The following JAKMIP2 variants were observed in gnomAD, a reference collection of about 807,000 sequenced individuals.
The protein encoded by JAKMIP2 is janus kinase and microtubule-interacting protein 2.
In JAKMIP2, 25 loss-of-function variants were observed where a neutral mutation model predicts 115.0. The ratio of observed to expected loss-of-function variants is 0.22; its 90% CI spans 0.16 to 0.30. The LOEUF (loss-of-function observed/expected upper bound fraction) is 0.30, where lower values mean the gene tolerates loss of function less well. Among genes scored for constraint, JAKMIP2 ranks in the 10% least tolerant of loss-of-function variants. The pLI, the probability that JAKMIP2 is intolerant of heterozygous loss-of-function variation, is 1.00. For missense variants in JAKMIP2, 642 were observed against 957.6 expected (o/e 0.67, Z 4.35); for synonymous variants, 334 against 343.6 (o/e 0.97, Z 0.31).
chr5:147,624,964 C>CTATTTATTTATTTATTTATT (rs58840721), intron 16 of JAKMIP2, among the ~76,000 whole-genome samples: 17 of 150,964 alleles, frequency 1.1e-4, no homozygotes, highest in African/African-American at 4.2e-4. Context: ...CTACAAGGTA[C>CTATTTATTTATTTATTTATT]TATTTATTTA....
At chr5:147,660,530 C>T (rs769022298) in intron 3 of JAKMIP2, 2 of 431,398 alleles carry the variant, frequency 4.6e-6, no homozygotes, top group South Asian at 3.3e-5. Context: ...CTTCTCCTAC[C>T]CTCTATAAAA....
chr5:147,686,971 A>G (rs747638731), intron 1 of JAKMIP2, among the ~76,000 whole-genome samples: 1 of 152,138 alleles, frequency 6.6e-6, no homozygotes, highest in African/African-American at 2.4e-5. Context: ...TTTTTCTTAT[A>G]TATCTTAAAA....
rs117842659 is a variant in JAKMIP2 at position 147,624,122 on chromosome 5, C to T, written c.1996-433G>A. 6.3e-3 allele frequency among the ~76,000 whole-genome samples: 956 copies of T among 152,238 alleles called. 52 individuals carry two copies. In the East Asian group the frequency reaches 0.13, roughly 21 times the overall value. The stretch of plus-strand genomic sequence containing the variant: ...TGCTGTGATTATAGGTGCGAGCCAC[C>T]GTGCCTGACCCACATTTTTATCTCA... On this transcript the variant is annotated intron_variant, in intron 16 of 21. Transcript: ENST00000616793.
intron 1 of JAKMIP2, among the ~76,000 whole-genome samples, chr5:147,745,423 C>A (rs1754316705): frequency 6.6e-6 from 1 of 152,174 alleles, no homozygotes; most frequent in Non-Finnish European, 1.5e-5. Context: ...TCTTGACTTG[C>A]TATCTCTGTA....
chr5:147,664,032 G>T (rs1209148310), intron 2 of JAKMIP2, among the ~76,000 whole-genome samples: 1 of 152,064 alleles, frequency 6.6e-6, no homozygotes, highest in East Asian at 1.9e-4. Flanking sequence ...TTTTTATATT[G>T]CTTACATATT....
chr5:147,640,474 T>G (rs1581338067), intron 9 of JAKMIP2, among the ~76,000 whole-genome samples: 1 of 152,182 alleles, frequency 6.6e-6, no homozygotes, highest in Admixed American at 6.5e-5. Context: ...TTGAAAGAAG[T>G]CTTCAAATTA....
At chr5:147,738,011 A>G (rs935235266) in intron 1 of JAKMIP2, among the ~76,000 whole-genome samples, 1 of 152,180 alleles carries the variant, frequency 6.6e-6, no homozygotes, top group East Asian at 1.9e-4. Context: ...TCCTTAAAAG[A>G]AACAATTTAT....
intron 1 of JAKMIP2, among the ~76,000 whole-genome samples, chr5:147,764,008 A>G (rs867458605): frequency 3.3e-5 from 5 of 152,302 alleles, no homozygotes; most frequent in South Asian, 4.1e-4. Context: ...ACCAAGAGAC[A>G]GATAGCTCTG....
At chr5:147,609,390 C>T (rs917994637) in intron 20 of JAKMIP2, among the ~76,000 whole-genome samples, 1 of 152,140 alleles carries the variant, frequency 6.6e-6, no homozygotes, top group Admixed American at 6.5e-5. Flanking sequence ...AATCCCTTAG[C>T]ATTTGCTTGT....
At chr5:147,740,889 T>C (rs1754119997) in intron 1 of JAKMIP2, among the ~76,000 whole-genome samples, 1 of 152,226 alleles carries the variant, frequency 6.6e-6, no homozygotes, top group Non-Finnish European at 1.5e-5. Flanking sequence ...AAATGAGCTG[T>C]GGCTTTCTTT....
chr5:147,685,102 G>T (rs971478137), intron 1 of JAKMIP2, among the ~76,000 whole-genome samples: 2 of 152,170 alleles, frequency 1.3e-5, no homozygotes, highest in Non-Finnish European at 2.9e-5. Context: ...TTAATAGGAG[G>T]TCAATCCCTT....
intron 10 of JAKMIP2, among the ~76,000 whole-genome samples, chr5:147,638,217 T>G (rs1434033826): frequency 3.3e-5 from 5 of 152,166 alleles, no homozygotes; most frequent in East Asian, 1.9e-4. Flanking sequence ...TCTAACATCT[T>G]TATTTCTTGT....
intron 3 of JAKMIP2, among the ~76,000 whole-genome samples, chr5:147,658,575 G>T (rs1758796080): frequency 6.6e-6 from 1 of 152,188 alleles, no homozygotes; most frequent in Non-Finnish European, 1.5e-5. Context: ...GGATCAGCCA[G>T]TATCTTCAGA....
At chr5:147,610,470 G>C (rs1756257507) in intron 20 of JAKMIP2, among the ~76,000 whole-genome samples, 1 of 152,148 alleles carries the variant, frequency 6.6e-6, no homozygotes, top group Non-Finnish European at 1.5e-5. Context: ...AGTTTGCTGG[G>C]GGTCCACTCC....
intron 3 of JAKMIP2, 139 bp from the exon 4 acceptor site, chr5:147,650,686 G>A: frequency 1.5e-6 from 1 of 662,568 alleles, no homozygotes; most frequent in Non-Finnish European, 2.6e-6. Flanking sequence ...TTGGTTTCAT[G>A]AGTAAGATGA....
chr5:147,694,920 A>G (rs921407490), intron 1 of JAKMIP2, among the ~76,000 whole-genome samples: 4 of 152,218 alleles, frequency 2.6e-5, no homozygotes, highest in African/African-American at 9.6e-5. Flanking sequence ...AAATTGTGAC[A>G]AATTTTGTGT....
intron 1 of JAKMIP2, among the ~76,000 whole-genome samples, chr5:147,689,600 C>T (rs1760737765): frequency 6.6e-6 from 1 of 152,040 alleles, no homozygotes; most frequent in Admixed American, 6.5e-5. Context: ...GATGCAGAGC[C>T]ACGTTGATCT....
At chr5:147,701,772 T>A (rs1752334907) in intron 1 of JAKMIP2, among the ~76,000 whole-genome samples, 1 of 152,172 alleles carries the variant, frequency 6.6e-6, no homozygotes, top group African/African-American at 2.4e-5. Context: ...GTGCCATTTA[T>A]GAGAAATGAG....
intron 2 of JAKMIP2, among the ~76,000 whole-genome samples, chr5:147,663,256 G>T (rs1323370176): frequency 6.6e-6 from 1 of 152,156 alleles, no homozygotes; most frequent in Admixed American, 6.5e-5. Flanking sequence ...GTTTGTGAGG[G>T]TGTTGCTAAA....
Sources: allele counts gnomAD v4.1 joint callset (sites outside exome capture counted in the v4.1 genomes callset), GRCh38; gene constraint gnomAD v4.1.1; transcripts MANE v1.5; gene names NCBI Gene and HGNC (gene_info 2026-07-23, HGNC 2026-07-21).